Variants in HHAT observed in about 807,000 individuals in gnomAD.
The protein encoded by HHAT is hedgehog acyltransferase.
In HHAT, 47 loss-of-function variants were observed where a neutral mutation model predicts 70.8. The observed-to-expected ratio is 0.66, with a 90% CI of 0.53 to 0.85. The LOEUF is 0.85. Among genes scored for constraint, HHAT ranks in the 40% least tolerant of loss-of-function variants. HHAT has a pLI of 0.00. For missense variants in HHAT, 609 were observed against 604.8 expected, an observed-to-expected ratio of 1.01 and a Z score of -0.07; for synonymous variants, 228 against 247.6, an observed-to-expected ratio of 0.92 and a Z score of 0.74.
At chr1:210,647,636 G>A (rs549940938) in intron 11 of HHAT, among the ~76,000 whole-genome samples, 9 of 152,184 alleles carry the variant, frequency 5.9e-5, no homozygotes, top group African/African-American at 1.7e-4. Flanking sequence ...CTCTGGCAAG[G>A]AGTTAGAACC....
intron 7 of HHAT, among the ~76,000 whole-genome samples, chr1:210,426,235 G>C (rs1572356314): frequency 6.6e-6 from 1 of 152,168 alleles, no homozygotes; most frequent in African/African-American, 2.4e-5. Context: ...AGCTTATGAA[G>C]CTTTTGGGCT....
intron 9 of HHAT, among the ~76,000 whole-genome samples, chr1:210,573,335 C>A (rs901881744): frequency 2.0e-5 from 3 of 152,134 alleles, no homozygotes; most frequent in Non-Finnish European, 2.9e-5. Context: ...TTTCAAGGGT[C>A]CTGACCCCAC....
chr1:210,422,043 T>C (rs970080448), intron 7 of HHAT, among the ~76,000 whole-genome samples: 2 of 152,216 alleles, frequency 1.3e-5, no homozygotes, highest in Non-Finnish European at 2.9e-5. Flanking sequence ...AAAAATATTC[T>C]CCACTTTCTT....
intron 8 of HHAT, among the ~76,000 whole-genome samples, chr1:210,471,393 T>C (rs2094202073): frequency 6.6e-6 from 1 of 151,940 alleles, no homozygotes; most frequent in South Asian, 2.1e-4. Context: ...TCAGATGTTG[T>C]GCCACATCCT....
intron 8 of HHAT, among the ~76,000 whole-genome samples, chr1:210,511,817 T>G (rs2094958949): frequency 1.6e-5 from 2 of 123,768 alleles, no homozygotes; most frequent in Admixed American, 1.1e-4. Flanking sequence ...TGAGATGGAG[T>G]CTCACTCTGT....
At chr1:210,586,019 G>T (rs1221558449) in intron 9 of HHAT, among the ~76,000 whole-genome samples, 1 of 152,178 alleles carries the variant, frequency 6.6e-6, no homozygotes, top group East Asian at 1.9e-4. Flanking sequence ...GGCCTAGAGA[G>T]CTTAGAGGAG....
intron 9 of HHAT, among the ~76,000 whole-genome samples, chr1:210,546,629 G>A (rs531075643): frequency 5.3e-4 from 81 of 152,270 alleles, no homozygotes; most frequent in African/African-American, 1.7e-3. Flanking sequence ...CTTTAAGCAC[G>A]GGCTTAACAG....
intron 9 of HHAT, among the ~76,000 whole-genome samples, chr1:210,520,385 T>G (rs925229165): frequency 6.6e-6 from 1 of 152,250 alleles, no homozygotes; most frequent in Non-Finnish European, 1.5e-5. Flanking sequence ...AAGGACTTAC[T>G]CCTGCCATTT....
At chr1:210,576,121 G>C (rs1250897143) in intron 9 of HHAT, among the ~76,000 whole-genome samples, 1 of 152,076 alleles carries the variant, frequency 6.6e-6, no homozygotes, top group African/African-American at 2.4e-5. Flanking sequence ...TGACCCCTTA[G>C]CACTAAGTGA....
chr1:210,650,206 T>C (rs1463045867), intron 11 of HHAT, among the ~76,000 whole-genome samples: 1 of 152,242 alleles, frequency 6.6e-6, no homozygotes. Context: ...ATCAGATGGC[T>C]CCTATTCTCA....
At chr1:210,472,307 T>C (rs2148462432) in intron 8 of HHAT, among the ~76,000 whole-genome samples, 1 of 152,336 alleles carries the variant, frequency 6.6e-6, no homozygotes, top group South Asian at 2.1e-4. Flanking sequence ...TTTTTGCCAC[T>C]CTACAGGTGA....
rs1659775167 is a variant in HHAT at position 210,583,765 on chromosome 1, G to A, written c.1044-4133G>A. ...TGTTGGCTGTCATTTTGAAGGCAAA[G>A]TAACAGCCATGGTTCCAGGAGATGC... On this transcript the variant is annotated intron_variant, in intron 9 of 11. Transcript: ENST00000261458. Among the ~76,000 whole-genome samples, 5 of 152,192 alleles carry A rather than the reference G, an allele frequency of 3.3e-5. No individual in the cohort carries two copies. The South Asian group carries it at 1.0e-3, about 32-fold the overall frequency.
At chr1:210,338,494 T>C (rs2085714622) in intron 1 of HHAT, among the ~76,000 whole-genome samples, 1 of 152,244 alleles carries the variant, frequency 6.6e-6, no homozygotes, top group Admixed American at 6.5e-5. Context: ...TTTTTAAGCA[T>C]ACTCAATAAT....
chr1:210,461,105 C>T (rs952313317), intron 7 of HHAT, among the ~76,000 whole-genome samples: 1 of 152,100 alleles, frequency 6.6e-6, no homozygotes, highest in Admixed American at 6.5e-5. Flanking sequence ...TTGAGCATAA[C>T]AAAAGCTAGT....
chr1:210,376,014 AT>A (rs57707354), intron 3 of HHAT, among the ~76,000 whole-genome samples: 40,622 of 108,590 alleles, frequency 0.37, 4,812 homozygotes, highest in African/African-American at 0.44. Flanking sequence ...TGCACAGCTA[AT>A]TTTTTTTTTT....
intron 8 of HHAT, among the ~76,000 whole-genome samples, chr1:210,491,636 T>C (rs1198545887): frequency 2.0e-5 from 3 of 152,240 alleles, no homozygotes; most frequent in African/African-American, 7.2e-5. Flanking sequence ...GATTCACTTA[T>C]TGTGATTACT....
chr1:210,414,705 C>T (rs950833512), intron 6 of HHAT, among the ~76,000 whole-genome samples: 2 of 152,100 alleles, frequency 1.3e-5, no homozygotes, highest in Non-Finnish European at 2.9e-5. Context: ...GATCACATTA[C>T]TTTTTCTCTG....
chr1:210,470,738 A>G (rs545128695), intron 8 of HHAT, among the ~76,000 whole-genome samples: 2 of 152,256 alleles, frequency 1.3e-5, no homozygotes, highest in South Asian at 4.2e-4. Context: ...ACATTTTCAG[A>G]TGGAAGATGT....
rs534890253 is a variant in HHAT, at chr1:210,506,547, G to A, written c.1008-6606G>A. On this transcript the variant is annotated intron_variant, in intron 8 of 11. Coordinates refer to ENST00000261458, the MANE Select transcript of HHAT (RefSeq NM_018194.6). ...TATGTACAGGATCCGTGTTCCTTAT[G>A]TCTCCTCATGAGGAAACCCTGGTTT... Among the ~76,000 whole-genome samples the A allele has an allele frequency of 1.2e-4, 19 of 152,260 alleles. No homozygotes were observed. The South Asian group carries it at 3.9e-3, about 32-fold the overall frequency.
Sources: gnomAD v4.1 joint callset for allele counts (sites outside exome capture counted in the v4.1 genomes callset) on GRCh38, gnomAD v4.1.1 for gene constraint, MANE v1.5 for transcripts, NCBI Gene and HGNC (gene_info 2026-07-23, HGNC 2026-07-21) for gene names.